ARMC9: variants seen among roughly 807,000 people sequenced by gnomAD.
The protein encoded by ARMC9 is lisH domain-containing protein ARMC9.
Under a neutral mutation model 107.0 loss-of-function variants are expected in ARMC9, and 94 were observed. That is an observed-to-expected ratio of 0.88 (90% confidence interval 0.74 to 1.04). The LOEUF (loss-of-function observed/expected upper bound fraction) is 1.04. Ranked by LOEUF, ARMC9 falls within the 50% of genes least tolerant of loss-of-function variation. The pLI, the probability that ARMC9 is intolerant of heterozygous loss-of-function variation, is 0.00. For missense variants in ARMC9, 942 were observed against 1,030.1 expected (o/e 0.91, Z 1.17); for synonymous variants, 380 against 396.9 (o/e 0.96, Z 0.51).
intron 19 of ARMC9, among the ~76,000 whole-genome samples, chr2:231,302,676 G>A (rs998157583): frequency 1.3e-5 from 2 of 152,128 alleles, no homozygotes; most frequent in African/African-American, 4.8e-5. Flanking sequence ...TTAAAAGTTA[G>A]TTGCAATGTG....
intron 20 of ARMC9, among the ~76,000 whole-genome samples, chr2:231,340,332 AGAG>A (rs2044420903): frequency 6.6e-6 from 1 of 152,184 alleles, no homozygotes; most frequent in African/African-American, 2.4e-5. Flanking sequence ...CAGGAAGAAA[AGAG>A]GAAGATTAGA....
chr2:231,265,993 A>T (rs2038824193), intron 12 of ARMC9, among the ~76,000 whole-genome samples: 1 of 149,126 alleles, frequency 6.7e-6, no homozygotes, highest in South Asian at 2.1e-4. Flanking sequence ...CTGAGACGCC[A>T]TCTAAAAAAA....
At chr2:231,287,972 G>T (rs1021184597) in intron 17 of ARMC9, among the ~76,000 whole-genome samples, 1 of 152,208 alleles carries the variant, frequency 6.6e-6, no homozygotes, top group African/African-American at 2.4e-5. Context: ...GTACTCCTGA[G>T]CCTGAGGCTG....
intron 9 of ARMC9, among the ~76,000 whole-genome samples, chr2:231,250,952 T>C (rs2037241448): frequency 6.6e-6 from 1 of 152,128 alleles, no homozygotes; most frequent in African/African-American, 2.4e-5. Context: ...GTTCCTACAG[T>C]GGCATGCCTG....
chr2:231,328,077 C>T lies in ARMC9; in HGVS notation c.1774-3716C>T, dbSNP rs113041376. On this transcript the variant is annotated intron_variant, in intron 19 of 24. Transcript: ENST00000611582. ...GGGATTACAGGCATAACCCACTGCT[C>T]CTGGCCTGTTTTTGCCATTCTAATA... Among the ~76,000 whole-genome samples, 447 of 152,280 alleles carry T rather than the reference C, an allele frequency of 2.9e-3. 3 individuals are homozygous for T. Among genetic ancestry groups the T allele is most frequent in the African/African-American group, 0.01 (419 of 41,544 alleles).
chr2:231,277,696 G>A (rs2039884057), intron 15 of ARMC9, among the ~76,000 whole-genome samples: 1 of 151,650 alleles, frequency 6.6e-6, no homozygotes, highest in African/African-American at 2.4e-5. Flanking sequence ...CCGAGTAGCT[G>A]GGATTACAGG....
Position 231,345,175 on chromosome 2 carries a change from C to T in ARMC9, c.1994+85C>T. On this transcript the variant is annotated intron_variant, in intron 21 of 24. Coordinates refer to ENST00000611582, the MANE Select transcript of ARMC9 (RefSeq NM_001352754.2). ...GTAAGATGTATGTATTTTTAAAATT[C>T]AAAATAAAGCATTCATTTTGAAAAG... is the stretch of plus-strand genomic sequence containing the variant. 7.1e-6 allele frequency: 11 copies of T among 1,554,338 alleles called. No individual in the cohort carries two copies. In the South Asian group the frequency reaches 1.3e-4, roughly 19 times the overall value.
Position 231,202,091 on chromosome 2 carries a change from C to T in ARMC9, c.-42+3393C>T, listed in dbSNP as rs1447809503. Among the ~76,000 whole-genome samples the T allele has an allele frequency of 2.0e-5, 3 of 151,524 alleles. No individual in the cohort carries two copies. In the East Asian group the frequency reaches 5.8e-4, roughly 29 times the overall value. On this transcript the variant is annotated intron_variant, in intron 1 of 24. Transcript: ENST00000611582. ...CTCGGCTCATTGCAACCTCCACTTC[C>T]TGGGTTCAAGCGATTCTCCTGCCTC...
Position 231,243,012 on chromosome 2 carries a change from C to T in ARMC9, c.879+2971C>T, listed in dbSNP as rs111701591. 7.6e-4 allele frequency among the ~76,000 whole-genome samples: 116 copies of T among 152,104 alleles called. 1 individual carries two copies. The highest frequency in any genetic ancestry group is 2.6e-3 in the African/African-American group (109 of 41,494). ...CTGTAATCCCAGCACTTTGGGAGGC[C>T]GAGGCGGGCAGATGACAAGGTCAGG... is the stretch of plus-strand genomic sequence containing the variant. On this transcript the variant is annotated intron_variant, in intron 9 of 24. Transcript: ENST00000611582.
At chr2:231,269,373 T>G (rs893962687) in intron 12 of ARMC9, among the ~76,000 whole-genome samples, 1 of 151,568 alleles carries the variant, frequency 6.6e-6, no homozygotes, top group Admixed American at 6.6e-5. Context: ...TTTGTTCCAC[T>G]CTTTAGGAGA....
chr2:231,249,796 A>C (rs1360217361), intron 9 of ARMC9, among the ~76,000 whole-genome samples: 2 of 151,570 alleles, frequency 1.3e-5, no homozygotes, highest in Non-Finnish European at 2.9e-5. Context: ...AGATGGGAGC[A>C]TACCACCCAC....
chr2:231,210,906 C>G lies in ARMC9; in HGVS notation c.177+2654C>G, dbSNP rs141875766. ...GAAACTCTGTCCCCATTTAACAACT[C>G]CGCCTTTATCCTCCCCCTAGGCCTT... On this transcript the variant is annotated intron_variant, in intron 3 of 24. Coordinates refer to ENST00000611582, the MANE Select transcript of ARMC9 (RefSeq NM_001352754.2). 2.4e-3 allele frequency among the ~76,000 whole-genome samples: 368 copies of G among 152,284 alleles called. 1 individual carries two copies. The highest frequency in any genetic ancestry group is 8.5e-3 in the African/African-American group (352 of 41,556).
chr2:231,201,555 A>T (rs893915201), intron 1 of ARMC9, among the ~76,000 whole-genome samples: 4 of 152,128 alleles, frequency 2.6e-5, no homozygotes, highest in Admixed American at 1.3e-4. Flanking sequence ...TCTTGCCTTC[A>T]GGCATCTGTC....
At chr2:231,249,427 G>T (rs1195753529) in intron 9 of ARMC9, among the ~76,000 whole-genome samples, 3 of 152,022 alleles carry the variant, frequency 2.0e-5, no homozygotes, top group Non-Finnish European at 4.4e-5. Flanking sequence ...ACCTCCTGCT[G>T]GTTTGTCTTA....
intron 19 of ARMC9, among the ~76,000 whole-genome samples, chr2:231,328,837 C>T (rs1477628550): frequency 4.5e-4 from 33 of 73,658 alleles, no homozygotes; most frequent in Non-Finnish European, 6.8e-4. Flanking sequence ...TTTTTTGAGT[C>T]GGAGTCTTGC....
At chr2:231,239,850 G>A (rs2036118114) in intron 8 of ARMC9, 93 bp from the exon 9 acceptor site, 1 of 1,040,552 alleles carries the variant, frequency 9.6e-7, no homozygotes, top group Non-Finnish European at 1.5e-6. Context: ...ACAGAAAGCT[G>A]TTGAGAGACC....
At chr2:231,363,573 TTC>T (rs1344241430) in intron 23 of ARMC9, among the ~76,000 whole-genome samples, 5 of 152,122 alleles carry the variant, frequency 3.3e-5, no homozygotes, top group African/African-American at 1.2e-4. Flanking sequence ...TAAAATTACT[TTC>T]TCGGAGGCTA....
chr2:231,216,738 C>T lies in ARMC9; in HGVS notation c.449C>T (p.Ala150Val), dbSNP rs532584474. Residue 150 changes from alanine (A) to valine (V), a missense_variant, in exon 5 of 25, where the codon GCC becomes GTC. Physicochemically the swap from Ala to Val is moderately conservative, Grantham distance 64 (BLOSUM62 0). Transcript: ENST00000611582. ...SQTTEFLPFY[A>V]LPFVPNPMVH... ...ACCACAGAGTTTCTTCCTTTCTATG[C>T]CCTTCCTTTTGTTCCCAACCCTATG... 1 of 1,614,056 alleles carries T rather than the reference C, an allele frequency of 6.2e-7. No individual in the cohort carries two copies. The highest frequency in any genetic ancestry group is 8.5e-7 in the Non-Finnish European group (1 of 1,179,894).
At chr2:231,243,875 G>A (rs549836303) in intron 9 of ARMC9, among the ~76,000 whole-genome samples, 12 of 152,328 alleles carry the variant, frequency 7.9e-5, no homozygotes, top group Admixed American at 7.8e-4. Context: ...AATGTCCAGT[G>A]ACTGGACTGA....
Sources: gnomAD v4.1 joint callset for allele counts (sites outside exome capture counted in the v4.1 genomes callset) on GRCh38, gnomAD v4.1.1 for gene constraint, MANE v1.5 for transcripts, NCBI Gene and HGNC (gene_info 2026-07-23, HGNC 2026-07-21) for gene names.